MCM9: variants seen among roughly 807,000 people sequenced by gnomAD.
MCM9 encodes minichromosome maintenance 9 homologous recombination repair factor.
In MCM9, 55 loss-of-function variants were observed where a neutral mutation model predicts 72.8. The ratio of observed to expected loss-of-function variants is 0.76; its 90% CI spans 0.61 to 0.95. The LOEUF is 0.95. MCM9 is among the 40% of genes least tolerant of loss of function. MCM9 has a pLI of 0.00. For synonymous variants in MCM9, 480 were observed against 503.4 expected, an observed-to-expected ratio of 0.95 and a Z score of 0.62; for missense variants, 1,279 against 1,377.0, an observed-to-expected ratio of 0.93 and a Z score of 1.13.
chr6:118,923,986 T>C lies in MCM9; in HGVS notation c.446A>G (p.Lys149Arg). Residue 149 changes from lysine to arginine, a missense_variant, in exon 4 of 14, where the codon AAA becomes AGA. Coordinates refer to ENST00000619706, the MANE Select transcript of MCM9 (RefSeq NM_017696.3). ...LEFERDYMCN[K>R]CKHVFVIKAD... ...CTTGATCACAAACACATGCTTGCAT[T>C]TGTTACACATGTAATCCCGCTCAAA... The C allele has an allele frequency of 1.2e-6, 2 of 1,614,188 alleles. No individual in the cohort carries two copies. Among genetic ancestry groups the C allele is most frequent in the Non-Finnish European group, 1.7e-6 (2 of 1,180,032 alleles).
chr6:118,866,500 T>C (rs1777225135), intron 8 of MCM9, among the ~76,000 whole-genome samples: 2 of 152,090 alleles, frequency 1.3e-5, no homozygotes, highest in South Asian at 4.1e-4. Context: ...AAGCATAAAA[T>C]TATCAATTGA....
rs137881254 is a variant in MCM9, at chr6:118,824,035, CTTTTTTTTTTTTTTTTT to C, written c.1961+2095_1961+2111del. Among the ~76,000 whole-genome samples the C allele has an allele frequency of 2.0e-4, 11 of 54,340 alleles. No homozygotes were observed. In the East Asian group the frequency reaches 5.3e-3, roughly 26 times the overall value. The allele number at this position is 54,340 out of a possible 152,430, so 35.6% of individuals were successfully genotyped here. On this transcript the variant is annotated intron_variant, in intron 13 of 13. Transcript: ENST00000619706. ...TGAAAATATCAATAAGCAAACCCAC[CTTTTTTTTTTTTTTTTT>C]TTTTTTTTTTTTTTTTTTAGACAGA...
chr6:118,906,827 G>A lies in MCM9; in HGVS notation c.1150+4823C>T, dbSNP rs182295639. 6.2e-3 allele frequency among the ~76,000 whole-genome samples: 941 copies of A among 152,240 alleles called. 4 individuals are homozygous for A. The highest frequency in any genetic ancestry group is 0.012 in the Non-Finnish European group (796 of 68,000). ...ATGCAAGAAAAATTACATGACAATA[G>A]AATAGAATGTTCTCATGTTCTTTCT... On this transcript the variant is annotated intron_variant, in intron 8 of 13. Transcript: ENST00000619706.
At chr6:118,837,176 G>T (rs1775018782) in intron 9 of MCM9, among the ~76,000 whole-genome samples, 1 of 152,174 alleles carries the variant, frequency 6.6e-6, no homozygotes, top group Admixed American at 6.5e-5. Context: ...GTGCAGTTTT[G>T]AATGAGTTTC....
chr6:118,869,103 C>T (rs920491594), intron 8 of MCM9, among the ~76,000 whole-genome samples: 6 of 152,170 alleles, frequency 3.9e-5, no homozygotes, highest in Admixed American at 6.5e-5. Context: ...GATGAGTTCA[C>T]GTCCTTTGCA....
At chr6:118,933,587 T>G (rs1782630921) in intron 1 of MCM9, among the ~76,000 whole-genome samples, 1 of 152,144 alleles carries the variant, frequency 6.6e-6, no homozygotes, top group Admixed American at 6.5e-5. Flanking sequence ...AAATTTGACT[T>G]ACTTCATTTG....
intron 3 of MCM9, among the ~76,000 whole-genome samples, chr6:118,924,756 T>C (rs1318135430): frequency 6.6e-6 from 1 of 152,112 alleles, no homozygotes; most frequent in Non-Finnish European, 1.5e-5. Context: ...AGGTGCAAAA[T>C]GCCAAAGAAA....
intron 10 of MCM9, 126 bp downstream of exon 10, chr6:118,828,922 C>T (rs1378605147): frequency 1.0e-6 from 1 of 988,128 alleles, no homozygotes; most frequent in Admixed American, 2.6e-5. Context: ...TCTGTCTAAG[C>T]TTTTCTCTAT....
Position 118,838,488 on chromosome 6 carries a change from C to T in MCM9, c.1326-9238G>A, listed in dbSNP as rs1461051251. On this transcript the variant is annotated intron_variant, in intron 9 of 13. Transcript: ENST00000619706. ...TGTATTTTTATTAGAGACTGGGTTT[C>T]ACCATGTTAGCTAGGATGGTCTTGA... Among the ~76,000 whole-genome samples, 4 of 151,478 alleles carry T rather than the reference C, an allele frequency of 2.6e-5. No individual in the cohort carries two copies. In the East Asian group the frequency reaches 7.8e-4, roughly 29 times the overall value.
At chr6:118,870,129 G>C (rs1171901256) in intron 8 of MCM9, among the ~76,000 whole-genome samples, 1 of 152,108 alleles carries the variant, frequency 6.6e-6, no homozygotes, top group Non-Finnish European at 1.5e-5. Context: ...CACTGGACTT[G>C]AACTATACTT....
rs1402645726 is a variant in MCM9 at position 118,887,380 on chromosome 6, A to G, written c.1150+24270T>C. On this transcript the variant is annotated intron_variant, in intron 8 of 13. Coordinates refer to ENST00000619706, the MANE Select transcript of MCM9 (RefSeq NM_017696.3). ...AAAGGTTCCAAGCCAATTCATTAGG[A>G]AAATAGTCTTTTCAACAGATGCTGC... Among the ~76,000 whole-genome samples the G allele has an allele frequency of 3.3e-5, 5 of 152,226 alleles. No individual in the cohort carries two copies. In the East Asian group the frequency reaches 9.6e-4, roughly 29 times the overall value.
intron 9 of MCM9, among the ~76,000 whole-genome samples, chr6:118,842,078 C>A (rs1775411353): frequency 6.6e-6 from 1 of 152,198 alleles, no homozygotes; most frequent in South Asian, 2.1e-4. Flanking sequence ...TGTGATCCAC[C>A]CGCCTCTGCC....
intron 13 of MCM9, among the ~76,000 whole-genome samples, chr6:118,819,408 G>T (rs1216024537): frequency 3.9e-5 from 6 of 152,126 alleles, no homozygotes; most frequent in African/African-American, 1.4e-4. Context: ...TTCTGTTTAT[G>T]TGATGGATTA....
intron 9 of MCM9, among the ~76,000 whole-genome samples, chr6:118,854,311 A>G (rs1776415694): frequency 6.6e-6 from 1 of 152,154 alleles, no homozygotes; most frequent in African/African-American, 2.4e-5. Flanking sequence ...TAAGTGGAAA[A>G]CACTGTCTTT....
In MCM9 at chr6:118,814,697, G is replaced by A. The variant is rs746248053; in HGVS notation, c.*127C>T. On this transcript the variant is annotated 3_prime_UTR_variant, in exon 14 of 14. Transcript: ENST00000619706. ...CCTGAAATTAGAAAGCCTTAAGGGG[G>A]AGCCAGTATTCAGAGTGATCCTCAA... is the stretch of plus-strand genomic sequence containing the variant. 6.7e-6 allele frequency: 6 copies of A among 891,556 alleles called. No individual in the cohort carries two copies. The highest frequency in any genetic ancestry group is 9.7e-6 in the Non-Finnish European group (6 of 617,040). The allele number at this position is 891,556 out of a possible 1,614,324, so 55.2% of individuals were successfully genotyped here. A position where few individuals can be genotyped will look rare whatever the true frequency, so the allele number is the denominator to read the frequency against.
rs1264176728 is a variant in MCM9, at chr6:118,935,092, C to T, written c.-351G>A. On this transcript the variant is annotated 5_prime_UTR_variant, in exon 1 of 14. Transcript: ENST00000619706. ...GCCTAGCGCCTGCGGCTCTGCCGGG[C>T]CTGCGCTCTCGACCGACGCCGGGCC... 1 of 152,118 alleles carries T rather than the reference C, an allele frequency of 6.6e-6. No individual in the cohort carries two copies. The highest frequency in any genetic ancestry group is 1.5e-5 in the Non-Finnish European group (1 of 68,014). 9.4% of individuals were successfully genotyped at this position (152,118 alleles called of 1,614,324 possible).
intron 3 of MCM9, among the ~76,000 whole-genome samples, chr6:118,929,240 T>C (rs988539132): frequency 1.3e-5 from 2 of 152,084 alleles, no homozygotes; most frequent in Non-Finnish European, 2.9e-5. Flanking sequence ...ACAACATACC[T>C]TGAGTGAGGC....
chr6:118,855,467 T>C (rs1776493191), intron 9 of MCM9, among the ~76,000 whole-genome samples: 1 of 152,082 alleles, frequency 6.6e-6, no homozygotes, highest in Non-Finnish European at 1.5e-5. Context: ...AATGAATAGG[T>C]CTAATAGTTC....
At chr6:118,842,199 A>T (rs191546495) in intron 9 of MCM9, among the ~76,000 whole-genome samples, 1 of 152,210 alleles carries the variant, frequency 6.6e-6, no homozygotes, top group Non-Finnish European at 1.5e-5. Context: ...TTCAGTAGAC[A>T]TTACATATAT....
Sources: gnomAD v4.1 joint callset for allele counts (sites outside exome capture counted in the v4.1 genomes callset) on GRCh38, gnomAD v4.1.1 for gene constraint, MANE v1.5 for transcripts, NCBI Gene and HGNC (gene_info 2026-07-23, HGNC 2026-07-21) for gene names.